Variants in SLC38A5 observed in about 807,000 individuals in gnomAD.
The protein encoded by SLC38A5 is sodium-coupled neutral amino acid transporter 5.
Under a neutral mutation model 34.6 loss-of-function variants are expected in SLC38A5, and 9 were observed. The observed-to-expected ratio is 0.26, with a 90% CI of 0.16 to 0.45. The LOEUF (loss-of-function observed/expected upper bound fraction) is 0.45, where lower values mean the gene tolerates loss of function less well. Among genes scored for constraint, SLC38A5 ranks in the 20% least tolerant of loss-of-function variants. The pLI, the probability that SLC38A5 is intolerant of heterozygous loss-of-function variation, is 1.00. For synonymous variants in SLC38A5, 157 were observed against 155.6 expected (o/e 1.01, Z -0.07); for missense variants, 253 against 394.7 (o/e 0.64, Z 3.04).
rs782522432 is a variant in SLC38A5 at position 48,466,953 on chromosome X, T to C, written c.245+9A>G. Reference sequence around the variant, plus strand: ...CACCCCTGGCCCCGCAGGCCACCTATGGACTCACAGGAAGAAGATGACCCC... The same window carrying C: ...CACCCCTGGCCCCGCAGGCCACCTACGGACTCACAGGAAGAAGATGACCCC... On this transcript the variant is annotated intron_variant, in intron 5 of 16. Transcript: ENST00000620913. The C allele has an allele frequency of 1.7e-4, 201 of 1,209,453 alleles. 6 individuals are homozygous for C. The South Asian group carries it at 3.3e-3, about 20-fold the overall frequency.
rs1159513057 is a variant in SLC38A5, at chrX:48,467,651, T to C, written c.129+59A>G. The C allele has an allele frequency of 2.7e-6, 3 of 1,100,046 alleles. No homozygotes were observed. The African/African-American group carries it at 5.6e-5, about 20-fold the overall frequency. The allele number at this position is 1,100,046 out of a possible 1,213,427, so 90.7% of individuals were successfully genotyped here. A position where few individuals can be genotyped will look rare whatever the true frequency, so the allele number is the denominator to read the frequency against. ...AGGAGGAGTGGGGAAGAGGGAGCAG[T>C]GCGGGAGGAGATTAGCTGGGGAAGG... On this transcript the variant is annotated intron_variant, in intron 4 of 16. Transcript: ENST00000620913.
In SLC38A5 at chrX:48,468,018, A is replaced by G. The variant is rs2061491958; in HGVS notation, c.-1-93T>C. On this transcript the variant is annotated intron_variant, in intron 2 of 16. Coordinates refer to ENST00000620913, the MANE Select transcript of SLC38A5 (RefSeq NM_033518.4). The stretch of plus-strand genomic sequence containing the variant: ...GAAGAAGGGGGGAGGGGAGTCCCAT[A>G]GAGACCGATGGAAAGACGGAGAAAG... 4.5e-6 allele frequency: 4 copies of G among 880,248 alleles called. No individual in the cohort carries two copies. The Admixed American group carries it at 8.5e-5, about 19-fold the overall frequency. The allele number at this position is 880,248 out of a possible 1,213,427, so 72.5% of individuals were successfully genotyped here. A position where few individuals can be genotyped will look rare whatever the true frequency, so the allele number is the denominator to read the frequency against.
intron 7 of SLC38A5, 31 bp downstream of exon 7, chrX:48,466,199 C>G: frequency 2.6e-6 from 3 of 1,174,950 alleles, no homozygotes; most frequent in Non-Finnish European, 2.3e-6. Flanking sequence ...CCTCTCCCCC[C>G]AAGCTGACCC....
intron 11 of SLC38A5, 104 bp from the exon 12 acceptor site, chrX:48,461,901 A>G: frequency 8.9e-7 from 1 of 1,119,384 alleles, no homozygotes; most frequent in Non-Finnish European, 1.2e-6. Context: ...AGACACATAG[A>G]AGCTCCCAAT....
chrX:48,461,045 A>G lies in SLC38A5; in HGVS notation c.893T>C (p.Ile298Thr), dbSNP rs1008420546. The part of the protein sequence containing the change: ...RRMQAVANVS[I>T]GAMFCMYGLT... The stretch of plus-strand genomic sequence containing the variant: ...CCCATACATGCAGAACATGGCCCCA[A>G]TGGACACGTTGGCCACGGCCTGCAT... Residue 298 changes from isoleucine to threonine, a missense_variant, in exon 13 of 17, where the codon ATT becomes ACT. Around this residue, in one of 3 missense-constraint regions of SLC38A5, gnomAD observed 176 missense variants for 273.0 expected, o/e 0.64. Coordinates refer to ENST00000620913, the MANE Select transcript of SLC38A5 (RefSeq NM_033518.4). 12 of 1,209,663 alleles carry G rather than the reference A, an allele frequency of 9.9e-6. No homozygotes were observed. The highest frequency in any genetic ancestry group is 3.0e-5 in the East Asian group (1 of 33,749).
At chrX:48,465,108 G>A (rs5906671) in intron 8 of SLC38A5, among the ~76,000 whole-genome samples, 1,750 of 111,301 alleles carry the variant, frequency 0.016, 18 homozygotes, top group Non-Finnish European at 0.025. Flanking sequence ...AGCTACACAC[G>A]TGCAGCTGGA....
intron 16 of SLC38A5, chrX:48,459,310 C>T (rs978262675): frequency 2.3e-6 from 1 of 431,702 alleles, no homozygotes; most frequent in Admixed American, 4.5e-5. Context: ...AGAATGCTCC[C>T]TCTATGCCAG....
chrX:48,468,470 T>G lies in SLC38A5; in HGVS notation c.-1-545A>C, dbSNP rs1191969296. 293 of 695,704 alleles carry G rather than the reference T, an allele frequency of 4.2e-4. 1 individual carries two copies. Among genetic ancestry groups the G allele is most frequent in the Non-Finnish European group, 4.8e-4 (283 of 594,110 alleles). 57.3% of individuals were successfully genotyped at this position (695,704 alleles called of 1,213,427 possible). ...TGCCCTCACCCCCCTCCTTCCCGCC[T>G]GGGCCCCCAAGCCCGAGACCAGAGC... is the stretch of plus-strand genomic sequence containing the variant. On this transcript the variant is annotated intron_variant, in intron 2 of 16. Transcript: ENST00000620913.
chrX:48,459,810 T>G lies in SLC38A5; in HGVS notation c.1135A>C (p.Ile379Leu). The change falls in exon 15 of 17, where the codon ATA becomes CTA. Residue 379 changes from isoleucine (I) to leucine (L), a missense_variant. Around this residue, in one of 3 missense-constraint regions of SLC38A5, gnomAD observed 176 missense variants for 273.0 expected, o/e 0.64. Coordinates refer to ENST00000620913, the MANE Select transcript of SLC38A5 (RefSeq NM_033518.4). The part of the protein sequence containing the change: ...KAFSWPRHVA[I>L]ALILLVLVNV... ...ACCAAAACAAGCAGGATCAGAGCTA[T>G]GGCCACATGTCGTGGCCAGCTGAAG... The G allele has an allele frequency of 8.3e-7, 1 of 1,211,654 alleles. No individual in the cohort carries two copies. The highest frequency in any genetic ancestry group is 1.1e-6 in the Non-Finnish European group (1 of 895,424).
chrX:48,460,524 C>T, intron 14 of SLC38A5, 125 bp downstream of exon 14: 1 of 659,671 alleles, frequency 1.5e-6, no homozygotes, highest in East Asian at 3.6e-5. Context: ...CTGCCCTTTC[C>T]TGTCTGTCCA....
chrX:48,458,680 C>CCTA lies in SLC38A5; in HGVS notation c.*252_*253insTAG. On this transcript the variant is annotated 3_prime_UTR_variant, in exon 17 of 17. Coordinates refer to ENST00000620913, the MANE Select transcript of SLC38A5 (RefSeq NM_033518.4). ...CTGGCCTCCTCCTCCTCCTCCTCCT[C>CCTA]CTCCTCCTCCTCCTCTTCTTCCTCC... 1.0e-6 allele frequency: 1 copy of CCTA among 985,518 alleles called. No homozygotes were observed. Among genetic ancestry groups the CCTA allele is most frequent in the Non-Finnish European group, 1.3e-6 (1 of 783,081 alleles). 81.2% of individuals were successfully genotyped at this position (985,518 alleles called of 1,213,427 possible).
At chrX:48,460,311 A>G (rs1556961556) in intron 14 of SLC38A5, among the ~76,000 whole-genome samples, 1 of 109,197 alleles carries the variant, frequency 9.2e-6, no homozygotes, top group Non-Finnish European at 1.9e-5. Flanking sequence ...CCATCACTTC[A>G]GCCTCCACCC....
At chrX:48,468,763 CTT>C (rs1339115175) in intron 2 of SLC38A5, 79 of 593,030 alleles carry the variant, frequency 1.3e-4, no homozygotes, top group Non-Finnish European at 1.6e-4. Flanking sequence ...CACTGCCAGA[CTT>C]GAGAAACTTC....
Position 48,459,648 on chromosome X carries a change from CAAG to C in SLC38A5, c.1214-12_1214-10del, listed in dbSNP as rs781932739. ...GGGGGCTGAGGTGGACCCTGGAGAA[CAAG>C]AAGAAGGGACAGGAGTCAACCTGAC... On this transcript the variant is annotated splice_polypyrimidine_tract_variant and intron_variant, in intron 15 of 16. Coordinates refer to ENST00000620913, the MANE Select transcript of SLC38A5 (RefSeq NM_033518.4). 2.8e-5 allele frequency: 33 copies of C among 1,162,862 alleles called. No individual in the cohort carries two copies. The African/African-American group carries it at 3.2e-4, about 11-fold the overall frequency.
chrX:48,464,725 A>T (rs1341981775), intron 8 of SLC38A5, among the ~76,000 whole-genome samples: 2 of 112,128 alleles, frequency 1.8e-5, no homozygotes, highest in Non-Finnish European at 3.8e-5. Context: ...AGATGGCGCC[A>T]CTGCACTCCA....
intron 9 of SLC38A5, among the ~76,000 whole-genome samples, chrX:48,462,660 C>T (rs1402711000): frequency 1.8e-5 from 2 of 110,463 alleles, no homozygotes; most frequent in Non-Finnish European, 3.8e-5. Context: ...GAACAGTGAA[C>T]TCCAAACACC....
At chrX:48,460,918 G>T in intron 13 of SLC38A5, 68 bp downstream of exon 13, 1 of 1,056,932 alleles carries the variant, frequency 9.5e-7, no homozygotes, top group Non-Finnish European at 1.3e-6. Context: ...GTCACAGAAG[G>T]AAAGAGCTCA....
In SLC38A5 at chrX:48,462,947, G is replaced by T. The variant is rs148500225; in HGVS notation, c.525C>A (p.Ile175=). The change falls in exon 9 of 17, where the codon ATC becomes ATA. Residue 175 remains isoleucine (I), a synonymous_variant. Coordinates refer to ENST00000620913, the MANE Select transcript of SLC38A5 (RefSeq NM_033518.4). The stretch of plus-strand genomic sequence containing the variant: ...GCAGGATGATTAACACACTGACGAT[G>T]ATGATGAGGAGGTTTCCCTTCAAGA... ...DWFLKGNLLI[I]IVSVLIILPL... 124 of 1,207,157 alleles carry T rather than the reference G, an allele frequency of 1.0e-4. No individual in the cohort carries two copies. The Middle Eastern group carries it at 1.6e-3, about 16-fold the overall frequency.
rs781850069 is a variant in SLC38A5 at position 48,467,951 on chromosome X, G to A, written c.-1-26C>T. On this transcript the variant is annotated intron_variant, in intron 2 of 16. Transcript: ENST00000620913. Reference sequence around the variant, plus strand: ...CTGTGGGCAAAGAAATGGGGTGGGGGGATCAGAGATGGAACGAGCATGCTT... The same window carrying A: ...CTGTGGGCAAAGAAATGGGGTGGGGAGATCAGAGATGGAACGAGCATGCTT... The A allele has an allele frequency of 7.6e-6, 9 of 1,188,161 alleles. No homozygotes were observed. In the African/African-American group the frequency reaches 1.4e-4, roughly 19 times the overall value.
Sources: gnomAD v4.1 joint callset for allele counts (sites outside exome capture counted in the v4.1 genomes callset) on GRCh38, gnomAD v4.1.1 for gene constraint, gnomAD v4.1.1 regional missense constraint, MANE v1.5 for transcripts, NCBI Gene and HGNC (gene_info 2026-07-23, HGNC 2026-07-21) for gene names.